GOLGA5: variants seen among roughly 807,000 people sequenced by gnomAD.
GOLGA5 encodes golgin subfamily A member 5.
A neutral mutation model predicts 93.5 loss-of-function variants in GOLGA5; 50 were observed. The ratio of observed to expected loss-of-function variants is 0.53; its 90% confidence interval spans 0.43 to 0.68. GOLGA5 has a LOEUF of 0.68. GOLGA5 is among the 30% of genes least tolerant of loss of function. GOLGA5 has a pLI of 0.00. For missense variants in GOLGA5, 760 were observed against 856.4 expected (o/e 0.89, Z 1.40); for synonymous variants, 312 against 304.5 (o/e 1.02, Z -0.26).
intron 3 of GOLGA5, among the ~76,000 whole-genome samples, chr14:92,808,058 C>T (rs547054767): frequency 7.0e-4 from 106 of 152,030 alleles, no homozygotes; most frequent in South Asian, 1.5e-3. Context: ...CATGGTGAAA[C>T]CCGTCTCTAC....
intron 1 of GOLGA5, among the ~76,000 whole-genome samples, chr14:92,795,584 G>C (rs1016512495): frequency 3.9e-5 from 6 of 152,158 alleles, no homozygotes; most frequent in Non-Finnish European, 2.9e-5. Context: ...GTGTACCTGT[G>C]TACAGCATCA....
At chr14:92,798,069 A>G in intron 2 of GOLGA5, 88 bp downstream of exon 2, 1 of 883,762 alleles carries the variant, frequency 1.1e-6, no homozygotes, top group Non-Finnish European at 1.8e-6. Flanking sequence ...ATCTACTGTT[A>G]TGGAATCTGT....
intron 12 of GOLGA5, among the ~76,000 whole-genome samples, chr14:92,838,329 C>T (rs1168833662): frequency 6.6e-6 from 1 of 151,872 alleles, no homozygotes; most frequent in East Asian, 1.9e-4. Flanking sequence ...TCTCTGTGAT[C>T]CACTAGAGGG....
At chr14:92,805,089 A>C (rs942823392) in intron 2 of GOLGA5, among the ~76,000 whole-genome samples, 3 of 152,210 alleles carry the variant, frequency 2.0e-5, no homozygotes, top group African/African-American at 7.2e-5. Context: ...GAATGGCAAT[A>C]CCTGTGTAAC....
rs1375523426 is a variant in GOLGA5, at chr14:92,798,090, G to A, written c.544+109G>A. 9 of 746,136 alleles carry A rather than the reference G, an allele frequency of 1.2e-5. No homozygotes were observed. In the Admixed American group the frequency reaches 1.5e-4, roughly 12 times the overall value. 46.2% of individuals were successfully genotyped at this position (746,136 alleles called of 1,614,324 possible). A position where few individuals can be genotyped will look rare whatever the true frequency, so the allele number is the denominator to read the frequency against. The stretch of plus-strand genomic sequence containing the variant: ...TGTTATGGAATCTGTCTCCACTGGT[G>A]TAAGGGCAGACTCTCTGCAAATGTG... On this transcript the variant is annotated intron_variant, in intron 2 of 12. Transcript: ENST00000163416.
chr14:92,795,736 A>AG (rs11400716), intron 1 of GOLGA5, among the ~76,000 whole-genome samples: 112,186 of 152,050 alleles, frequency 0.74, 41,828 homozygotes, highest in East Asian at 0.85. Context: ...ATGTTAAAAA[A>AG]ATACGTAATT....
intron 8 of GOLGA5, among the ~76,000 whole-genome samples, chr14:92,820,334 C>T (rs1173156005): frequency 1.3e-5 from 2 of 152,240 alleles, no homozygotes; most frequent in African/African-American, 4.8e-5. Flanking sequence ...TCTCTCCACC[C>T]AAACATCTCA....
At chr14:92,837,917 G>T (rs1373185160) in intron 12 of GOLGA5, among the ~76,000 whole-genome samples, 1 of 152,092 alleles carries the variant, frequency 6.6e-6, no homozygotes, top group African/African-American at 2.4e-5. Context: ...ATTTCTTTTG[G>T]TAGAGTATAA....
Position 92,839,407 on chromosome 14 carries a change from C to T in GOLGA5, c.2157C>T (p.Tyr719=), listed in dbSNP as rs201394619. 85 of 1,611,920 alleles carry T rather than the reference C, an allele frequency of 5.3e-5. No individual in the cohort carries two copies. The highest frequency in any genetic ancestry group is 7.0e-5 in the Non-Finnish European group (83 of 1,178,942). Residue 719 remains tyrosine, a synonymous_variant, in exon 13 of 13, where the codon TAC becomes TAT. Coordinates refer to ENST00000163416, the MANE Select transcript of GOLGA5 (RefSeq NM_005113.4). Reference sequence around the variant, plus strand: ...GGGTCATGATTGTTCTGTTGACTTACACACCAGAAATGCACCACGACCAAC... The same window carrying T: ...GGGTCATGATTGTTCTGTTGACTTATACACCAGAAATGCACCACGACCAAC... ...HLWVMIVLLT[Y]TPEMHHDQPY... is the part of the protein sequence containing the mutation.
chr14:92,816,664 C>A (rs1885215610), intron 7 of GOLGA5, among the ~76,000 whole-genome samples: 1 of 152,136 alleles, frequency 6.6e-6, no homozygotes. Flanking sequence ...TGGGCTCAAG[C>A]AGTCTTCCCG....
intron 12 of GOLGA5, among the ~76,000 whole-genome samples, chr14:92,838,491 C>T (rs1024001216): frequency 6.6e-6 from 1 of 152,058 alleles, no homozygotes; most frequent in Admixed American, 6.6e-5. Flanking sequence ...CCTCAGCCTG[C>T]CGAGTACCTG....
chr14:92,836,100 CATTGT>C (rs1885635920), intron 11 of GOLGA5, among the ~76,000 whole-genome samples: 1 of 151,872 alleles, frequency 6.6e-6, no homozygotes, highest in South Asian at 2.1e-4. Flanking sequence ...GAACAGCACT[CATTGT>C]ATTATATATT....
chr14:92,837,509 T>C (rs74598769), intron 12 of GOLGA5, 60 bp downstream of exon 12: 561,912 of 786,260 alleles, frequency 0.71, 201,902 homozygotes, highest in Admixed American at 0.83. Context: ...TTTTTTTTTT[T>C]GTTTGTTTGT....
intron 6 of GOLGA5, among the ~76,000 whole-genome samples, chr14:92,813,721 C>T (rs1184160706): frequency 6.6e-6 from 1 of 152,080 alleles, no homozygotes; most frequent in Non-Finnish European, 1.5e-5. Flanking sequence ...TCTTGTTCAT[C>T]GTTGTATCCC....
chr14:92,795,937 TA>T, intron 1 of GOLGA5, among the ~76,000 whole-genome samples: 1 of 152,248 alleles, frequency 6.6e-6, no homozygotes, highest in Non-Finnish European at 1.5e-5. Flanking sequence ...TGGACTTTAT[TA>T]TAGAGCCCTT....
intron 9 of GOLGA5, among the ~76,000 whole-genome samples, chr14:92,827,903 A>T (rs562156004): frequency 1.6e-4 from 24 of 152,350 alleles, no homozygotes; most frequent in African/African-American, 4.3e-4. Flanking sequence ...GCAAGGCCCT[A>T]ACTCTCTTCA....
At position 92,819,689 on chromosome 14, in the gene GOLGA5, G is replaced by T. The variant is rs747031180; in HGVS notation, c.1492-19G>T. ...TGAATGTTAATTATTGCTTTTACAT[G>T]TAAGCTTTTTCTCTTTAGGATATGG... On this transcript the variant is annotated intron_variant, in intron 7 of 12. Transcript: ENST00000163416. The T allele has an allele frequency of 6.2e-7, 1 of 1,610,526 alleles. No individual in the cohort carries two copies. Among genetic ancestry groups the T allele is most frequent in the East Asian group, 2.2e-5 (1 of 44,856 alleles).
rs1885075715 is a variant in GOLGA5, at chr14:92,810,247, C to T, written c.993-7C>T. ...TGAGTTATTTCACATGATGCATTTT[C>T]CTTTAGAATAATGCAGGATCAAAGT... is the stretch of plus-strand genomic sequence containing the variant. On this transcript the variant is annotated splice_region_variant and splice_polypyrimidine_tract_variant and intron_variant, in intron 4 of 12. Transcript: ENST00000163416. The T allele has an allele frequency of 6.3e-7, 1 of 1,593,552 alleles. No individual in the cohort carries two copies. Among genetic ancestry groups the T allele is most frequent in the Non-Finnish European group, 8.6e-7 (1 of 1,166,344 alleles).
intron 9 of GOLGA5, among the ~76,000 whole-genome samples, chr14:92,825,632 AGGAGGAC>A (rs1885401197): frequency 6.6e-6 from 1 of 152,168 alleles, no homozygotes; most frequent in South Asian, 2.1e-4. Context: ...AGACCGAGGC[AGGAGGAC>A]CGCTTCAGCT....
Sources: allele counts gnomAD v4.1 joint callset (sites outside exome capture counted in the v4.1 genomes callset), GRCh38; gene constraint gnomAD v4.1.1; transcripts MANE v1.5; gene names NCBI Gene and HGNC (gene_info 2026-07-23, HGNC 2026-07-21).